Variants in KIF13B observed in about 807,000 individuals in gnomAD.
The protein encoded by KIF13B is kinesin family member 13B.
In KIF13B, 127 loss-of-function variants were observed where a neutral mutation model predicts 222.0. That is an observed-to-expected ratio of 0.57 (90% CI 0.50 to 0.66). The LOEUF (loss-of-function observed/expected upper bound fraction) is 0.66. KIF13B is among the 30% of genes least tolerant of loss of function. The pLI, the probability that KIF13B is intolerant of heterozygous loss-of-function variation, is 0.00. For synonymous variants in KIF13B, 976 were observed against 919.0 expected (o/e 1.06, Z -1.12); for missense variants, 2,173 against 2,379.0 (o/e 0.91, Z 1.80).
chr8:29,121,159 C>T (rs559017535), intron 29 of KIF13B, among the ~76,000 whole-genome samples: 148 of 149,764 alleles, frequency 9.9e-4, no homozygotes, highest in African/African-American at 3.6e-3. Context: ...CAATGCCATC[C>T]CCATCAAGCT....
chr8:29,156,492 G>A (rs1326030853), intron 13 of KIF13B, among the ~76,000 whole-genome samples: 4 of 151,482 alleles, frequency 2.6e-5, no homozygotes, highest in Non-Finnish European at 4.4e-5. Context: ...AACCACTATC[G>A]CAGTCTTAGT....
intron 17 of KIF13B, 95 bp downstream of exon 17, chr8:29,147,297 C>T: frequency 1.2e-6 from 1 of 853,740 alleles, no homozygotes; most frequent in Non-Finnish European, 1.8e-6. Flanking sequence ...CTTTTGTAAG[C>T]ACCATCTTAA....
At chr8:29,227,718 G>A (rs1563807467) in intron 2 of KIF13B, among the ~76,000 whole-genome samples, 1 of 152,140 alleles carries the variant, frequency 6.6e-6, no homozygotes, top group Non-Finnish European at 1.5e-5. Flanking sequence ...GGAGGCAAAG[G>A]TGGCAGGATC....
intron 10 of KIF13B, among the ~76,000 whole-genome samples, chr8:29,173,387 C>T (rs113872691): frequency 8.1e-4 from 122 of 151,080 alleles, no homozygotes; most frequent in African/African-American, 2.6e-3. Context: ...TTTGGGAGGC[C>T]GAGGCAGGAG....
chr8:29,182,141 A>G, intron 6 of KIF13B, 135 bp from the exon 7 acceptor site: 1 of 577,210 alleles, frequency 1.7e-6, no homozygotes, highest in Non-Finnish European at 3.0e-6. Context: ...TTGATCCCAG[A>G]AGAATTTAAA....
intron 2 of KIF13B, among the ~76,000 whole-genome samples, chr8:29,197,066 G>A (rs566645376): frequency 9.9e-5 from 15 of 152,030 alleles, no homozygotes; most frequent in African/African-American, 3.4e-4. Flanking sequence ...GGCCGGGCGC[G>A]GTGGCTCACG....
chr8:29,166,013 A>T (rs955004264), intron 11 of KIF13B, among the ~76,000 whole-genome samples: 43 of 149,072 alleles, frequency 2.9e-4, no homozygotes, highest in African/African-American at 1.1e-3. Context: ...TCTATTGTGA[A>T]GATATAATTA....
chr8:29,251,120 C>A (rs191157102), intron 1 of KIF13B, among the ~76,000 whole-genome samples: 45 of 152,076 alleles, frequency 3.0e-4, no homozygotes, highest in Non-Finnish European at 6.0e-4. Flanking sequence ...CTCTGCACTC[C>A]AGCCTGGGCA....
At chr8:29,172,325 G>A (rs1400351715) in intron 10 of KIF13B, among the ~76,000 whole-genome samples, 4 of 151,714 alleles carry the variant, frequency 2.6e-5, no homozygotes, top group Non-Finnish European at 5.9e-5. Flanking sequence ...CTGGCGATCC[G>A]CCTGCCTCGG....
chr8:29,081,054 A>G (rs1807787169), intron 37 of KIF13B, among the ~76,000 whole-genome samples: 1 of 152,206 alleles, frequency 6.6e-6, no homozygotes. Context: ...CAGACAGGGA[A>G]ACGCTGGCAG....
At chr8:29,209,794 G>A (rs1193207652) in intron 2 of KIF13B, among the ~76,000 whole-genome samples, 1 of 149,642 alleles carries the variant, frequency 6.7e-6, no homozygotes, top group Admixed American at 6.8e-5. Flanking sequence ...GCTCATGTCT[G>A]TAATCCCAAC....
In KIF13B at chr8:29,188,564, C is replaced by G; in HGVS notation, c.267G>C (p.Gln89His). ...VFKCLGENILQNAFDGYNACI... is the reference protein window; with the variant it reads ...VFKCLGENILHNAFDGYNACI... ...ATGCATTGTAGCCATCAAAAGCATT[C>G]TGCAGGATATTCTCTCCAAGGCACT... The change falls in exon 5 of 40, where the codon CAG becomes CAC. Residue 89 changes from glutamine to histidine, a missense_variant. This residue lies in a region of KIF13B where 1,480 missense variants were observed against 1,722.8 expected (regional missense o/e 0.86). Coordinates refer to ENST00000524189, the MANE Select transcript of KIF13B (RefSeq NM_015254.4). 1 of 1,612,562 alleles carries G rather than the reference C, an allele frequency of 6.2e-7. No homozygotes were observed. The highest frequency in any genetic ancestry group is 8.5e-7 in the Non-Finnish European group (1 of 1,178,876).
rs372213370 is a variant in KIF13B at position 29,118,902 on chromosome 8, A to G, written c.3626T>C (p.Phe1209Ser). The G allele has an allele frequency of 9.9e-6, 16 of 1,613,926 alleles. No homozygotes were observed. Among genetic ancestry groups the G allele is most frequent in the Non-Finnish European group, 1.4e-5 (16 of 1,179,848 alleles). The change falls in exon 30 of 40, where the codon TTT becomes TCT. Residue 1209 changes from phenylalanine (F) to serine (S), a missense_variant. Coordinates refer to ENST00000524189, the MANE Select transcript of KIF13B (RefSeq NM_015254.4). The part of the protein sequence containing the change: ...TLTGEEEEEF[F>S]ELQIVKQHDG... Reference sequence around the variant, plus strand: ...ATGCTGCTTCACAATCTGCAATTCAAAGAACTCCTCTTCTTCTTCCCCAGT... The same window carrying G: ...ATGCTGCTTCACAATCTGCAATTCAGAGAACTCCTCTTCTTCTTCCCCAGT...
chr8:29,198,678 C>T (rs1448459292), intron 2 of KIF13B, among the ~76,000 whole-genome samples: 1 of 152,170 alleles, frequency 6.6e-6, no homozygotes, highest in African/African-American at 2.4e-5. Context: ...AGCAACCCCA[C>T]TATGGGTATG....
intron 21 of KIF13B, among the ~76,000 whole-genome samples, chr8:29,137,047 G>A (rs1488375429): frequency 2.0e-5 from 3 of 151,972 alleles, no homozygotes; most frequent in South Asian, 2.1e-4. Flanking sequence ...TGATCCGCCC[G>A]CCTCAGCCTC....
Position 29,140,146 on chromosome 8 carries a change from C to A in KIF13B, c.2530G>T (p.Val844Phe), listed in dbSNP as rs752432739. ...TCGCCTCCTGCGATCCTCTCCCCAA[C>A]ATCACCACTGAGTCGCATCACCTCC... Reference protein sequence around the residue: ...HVEVMRLSGDVGERIAGGDEV... With the variant: ...HVEVMRLSGDFGERIAGGDEV... The change falls in exon 21 of 40, where the codon GTT becomes TTT. Residue 844 changes from valine to phenylalanine, a missense_variant. Coordinates refer to ENST00000524189, the MANE Select transcript of KIF13B (RefSeq NM_015254.4). The A allele has an allele frequency of 1.2e-6, 2 of 1,613,830 alleles. No homozygotes were observed. Among genetic ancestry groups the A allele is most frequent in the Non-Finnish European group, 1.7e-6 (2 of 1,179,868 alleles).
upstream of KIF13B, chr8:29,263,078 C>A (rs1587004779): frequency 1.3e-6 from 2 of 1,550,404 alleles, no homozygotes; most frequent in East Asian, 2.5e-5. Context: ...TCTGCCGCGG[C>A]CACCGGCGAC....
chr8:29,236,409 G>A (rs1181713172), intron 2 of KIF13B, among the ~76,000 whole-genome samples: 2 of 152,072 alleles, frequency 1.3e-5, no homozygotes, highest in African/African-American at 4.8e-5. Flanking sequence ...GAGCATGGAG[G>A]TTCATTATAC....
chr8:29,119,134 A>G, intron 29 of KIF13B, 142 bp from the exon 30 acceptor site: 2 of 834,484 alleles, frequency 2.4e-6, no homozygotes, highest in Non-Finnish European at 3.7e-6. Flanking sequence ...GACACTGAAG[A>G]TGACCACTTA....
Sources: allele counts gnomAD v4.1 joint callset (sites outside exome capture counted in the v4.1 genomes callset), GRCh38; gene constraint gnomAD v4.1.1; regional missense constraint gnomAD v4.1.1; transcripts MANE v1.5; gene names NCBI Gene and HGNC (gene_info 2026-07-23, HGNC 2026-07-21).